Variants in FGF13 observed in about 807,000 individuals in gnomAD.
The protein encoded by FGF13 is fibroblast growth factor homologous factor 2.
FGF13 carries 2 observed loss-of-function variants against 19.5 expected under a neutral mutation model. The observed-to-expected ratio is 0.10, with a 90% confidence interval of 0.04 to 0.32. FGF13 has a LOEUF of 0.32. FGF13 is among the 10% of genes least tolerant of loss of function. FGF13 has a pLI of 1.00. For missense variants in FGF13, 113 were observed against 192.7 expected, an observed-to-expected ratio of 0.59 and a Z score of 2.45; for synonymous variants, 72 against 76.9, an observed-to-expected ratio of 0.94 and a Z score of 0.33.
intron 1 of FGF13, among the ~76,000 whole-genome samples, chrX:139,104,161 A>G (rs1316275461): frequency 3.6e-5 from 4 of 111,586 alleles, no homozygotes; most frequent in Non-Finnish European, 3.8e-5. Flanking sequence ...AATGTTAGCC[A>G]TAATGATCAT....
intron 1 of FGF13, among the ~76,000 whole-genome samples, chrX:138,921,986 A>AAC (rs1450017442): frequency 7.4e-5 from 8 of 107,612 alleles, no homozygotes; most frequent in African/African-American, 1.3e-4. Context: ...AAAAAAAAAA[A>AAC]AACAACAAAA....
At chrX:138,716,535 C>G (rs1045349747), upstream of FGF13, 7 of 111,268 alleles carry the variant, frequency 6.3e-5, no homozygotes, top group Non-Finnish European at 1.3e-4. Context: ...AAGCTATGAT[C>G]CTGCCACTGC....
At chrX:138,857,537 G>A in exon 3 of FGF13, 1 of 1,205,339 alleles carries the variant, frequency 8.3e-7, no homozygotes, top group Non-Finnish European at 1.1e-6. Flanking sequence ...TCTCTTTGTG[G>A]TGTACTTGCT....
chrX:138,954,732 C>A lies in FGF13; in HGVS notation c.-112-90082G>T, dbSNP rs182002138. On this transcript the variant is annotated intron_variant, in intron 1 of 2. Coordinates refer to the FGF13 transcript ENST00000421460. ...CTGGGGAAACTAATTAAAAGCAGATCCCTCAACGTTCACCCTATTCTGTAT... is the reference window on the plus strand; with the variant it reads ...CTGGGGAAACTAATTAAAAGCAGATACCTCAACGTTCACCCTATTCTGTAT... Among the ~76,000 whole-genome samples the A allele has an allele frequency of 4.5e-5, 5 of 111,620 alleles. No individual in the cohort carries two copies. In the East Asian group the frequency reaches 1.4e-3, roughly 31 times the overall value.
At chrX:138,818,738 C>T (rs2090979138) in intron 3 of FGF13, among the ~76,000 whole-genome samples, 1 of 111,232 alleles carries the variant, frequency 9.0e-6, no homozygotes, top group African/African-American at 3.3e-5. Context: ...AAAAAAGAAT[C>T]ATCCTTAGTT....
chrX:138,693,707 TA>T (rs775260065), intron 3 of FGF13, among the ~76,000 whole-genome samples: 19 of 112,051 alleles, frequency 1.7e-4, no homozygotes, highest in South Asian at 3.6e-4. Flanking sequence ...ATTTGTTAAT[TA>T]ACTGATATAT....
chrX:138,995,843 C>A (rs191441907), intron 1 of FGF13, among the ~76,000 whole-genome samples: 1 of 111,785 alleles, frequency 8.9e-6, no homozygotes, highest in Admixed American at 9.5e-5. Context: ...ATTGCTGGGT[C>A]GAATGGTAGT....
At chrX:138,793,332 G>C (rs1293723989) in intron 3 of FGF13, among the ~76,000 whole-genome samples, 1 of 111,628 alleles carries the variant, frequency 9.0e-6, no homozygotes, top group Non-Finnish European at 1.9e-5. Flanking sequence ...ATGGTTTAAG[G>C]TACCTTCATT....
intron 3 of FGF13, among the ~76,000 whole-genome samples, chrX:138,814,789 T>G (rs1238470710): frequency 1.7e-4 from 19 of 110,899 alleles, no homozygotes; most frequent in Non-Finnish European, 2.5e-4. Context: ...TGGAGGTTGC[T>G]CAAAAAATTA....
intron 3 of FGF13, among the ~76,000 whole-genome samples, chrX:138,659,666 C>T (rs949401613): frequency 1.3e-4 from 14 of 111,944 alleles, no homozygotes; most frequent in Non-Finnish European, 1.7e-4. Context: ...CCCAAATGCC[C>T]ATCAATGATA....
rs144734960 is a variant in FGF13, at chrX:139,014,840, T to C, written c.-112-150190A>G. On this transcript the variant is annotated intron_variant, in intron 1 of 2. Transcript: ENST00000421460. The stretch of plus-strand genomic sequence containing the variant: ...TCAACAAAATATTAGCAAACCAAAT[T>C]CAACAATATATTAAAAAGATCATTC... 5.6e-3 allele frequency among the ~76,000 whole-genome samples: 623 copies of C among 110,972 alleles called. 5 individuals are homozygous for C. Among genetic ancestry groups the C allele is most frequent in the African/African-American group, 0.019 (588 of 30,662 alleles).
At chrX:139,032,889 A>G (rs897330136) in intron 1 of FGF13, among the ~76,000 whole-genome samples, 2 of 109,829 alleles carry the variant, frequency 1.8e-5, no homozygotes, top group African/African-American at 6.6e-5. Context: ...AGCATTTCAA[A>G]GGAAACAAGA....
At chrX:138,933,202 G>C (rs2091713626) in intron 1 of FGF13, among the ~76,000 whole-genome samples, 1 of 111,866 alleles carries the variant, frequency 8.9e-6, no homozygotes, top group African/African-American at 3.2e-5. Flanking sequence ...TGAGGGCATT[G>C]ACCATGTCAT....
chrX:138,943,564 C>T (rs2091768710), intron 1 of FGF13, among the ~76,000 whole-genome samples: 1 of 112,044 alleles, frequency 8.9e-6, no homozygotes, highest in Non-Finnish European at 1.9e-5. Flanking sequence ...AAATGTCATT[C>T]ACTAAAATGT....
At chrX:138,775,320 T>C (rs747312529) in intron 3 of FGF13, among the ~76,000 whole-genome samples, 3 of 111,979 alleles carry the variant, frequency 2.7e-5, no homozygotes, top group Non-Finnish European at 5.6e-5. Flanking sequence ...AAGAGAAAAA[T>C]ACCATTAGAA....
chrX:139,120,969 C>T lies in FGF13; in HGVS notation c.-113+82447G>A, dbSNP rs372271842. On this transcript the variant is annotated intron_variant, in intron 1 of 2. Coordinates refer to the FGF13 transcript ENST00000421460. ...CCATAAACGTACAATTATGACCTCA[C>T]TCGCGAATAATTTCAGGTGGCACTC... 4.7e-4 allele frequency among the ~76,000 whole-genome samples: 53 copies of T among 112,664 alleles called. 1 individual carries two copies. The East Asian group carries it at 0.012, about 25-fold the overall frequency.
At chrX:138,881,366 CA>C (rs1249743926) in intron 1 of FGF13, among the ~76,000 whole-genome samples, 1 of 110,526 alleles carries the variant, frequency 9.0e-6, no homozygotes, top group East Asian at 2.8e-4. Flanking sequence ...ATGTCACATG[CA>C]AAAAAAACAG....
At chrX:138,868,104 T>C (rs144706342) in intron 1 of FGF13, among the ~76,000 whole-genome samples, 364 of 112,012 alleles carry the variant, frequency 3.2e-3, no homozygotes, top group African/African-American at 0.011. Context: ...AAATGTTCAA[T>C]ATGTGACTGG....
intron 3 of FGF13, among the ~76,000 whole-genome samples, chrX:138,844,832 G>T (rs954560214): frequency 1.7e-4 from 19 of 111,688 alleles, no homozygotes; most frequent in African/African-American, 4.5e-4. Context: ...TACTGAATGT[G>T]TGTTACCAGC....
Sources: gnomAD v4.1 joint callset for allele counts (sites outside exome capture counted in the v4.1 genomes callset) on GRCh38, gnomAD v4.1.1 for gene constraint, MANE v1.5 for transcripts, NCBI Gene and HGNC (gene_info 2026-07-23, HGNC 2026-07-21) for gene names.